CPEB3: variants seen among roughly 807,000 people sequenced by gnomAD.
CPEB3 encodes cytoplasmic polyadenylation element-binding protein 3.
In CPEB3, 20 loss-of-function variants were observed where a neutral mutation model predicts 67.2. That is an observed-to-expected ratio of 0.30 (90% CI 0.21 to 0.43). CPEB3 has a LOEUF of 0.43. Among genes scored for constraint, CPEB3 ranks in the 20% least tolerant of loss-of-function variants. The pLI is 1.00. For synonymous variants in CPEB3, 376 were observed against 393.1 expected (o/e 0.96, Z 0.51); for missense variants, 746 against 968.6 (o/e 0.77, Z 3.05).
chr10:92,265,740 C>T (rs190778420), intron 1 of CPEB3, among the ~76,000 whole-genome samples: 1 of 146,654 alleles, frequency 6.8e-6, no homozygotes, highest in East Asian at 2.0e-4. Context: ...AAGAGCAAAA[C>T]TCCATCTCAA....
At chr10:92,098,789 T>C (rs1242315403) in intron 7 of CPEB3, among the ~76,000 whole-genome samples, 2 of 147,182 alleles carry the variant, frequency 1.4e-5, no homozygotes, top group Non-Finnish European at 3.0e-5. Flanking sequence ...TTTTTTTTTT[T>C]GAGATGGAGT....
intron 6 of CPEB3, 40 bp from the exon 7 acceptor site, chr10:92,111,234 G>A: frequency 7.8e-7 from 1 of 1,282,044 alleles, no homozygotes; most frequent in Non-Finnish European, 1.1e-6. Flanking sequence ...GGAAGAATCA[G>A]TACATTAAAC....
At chr10:92,176,281 C>CATTA (rs1848217149) in intron 4 of CPEB3, among the ~76,000 whole-genome samples, 1 of 152,206 alleles carries the variant, frequency 6.6e-6, no homozygotes, top group Non-Finnish European at 1.5e-5. Context: ...CTCATATGAG[C>CATTA]ATTATCTACA....
chr10:92,251,420 A>G (rs1231505230), intron 1 of CPEB3, among the ~76,000 whole-genome samples: 1 of 151,130 alleles, frequency 6.6e-6, no homozygotes, highest in Non-Finnish European at 1.5e-5. Context: ...TTCTTTGCTA[A>G]CTGACTTTAA....
chr10:92,275,886 T>C (rs1386186991), intron 1 of CPEB3, among the ~76,000 whole-genome samples: 1 of 146,586 alleles, frequency 6.8e-6, no homozygotes, highest in Non-Finnish European at 1.5e-5. Context: ...TCTTGCTCTG[T>C]CACCCAGGCT....
At chr10:92,088,417 G>A (rs1038415875) in intron 8 of CPEB3, among the ~76,000 whole-genome samples, 3 of 151,812 alleles carry the variant, frequency 2.0e-5, no homozygotes, top group Non-Finnish European at 2.9e-5. Context: ...TGTAGAGACA[G>A]GGTTTCACCA....
Position 92,239,763 on chromosome 10 carries a change from G to A in CPEB3, c.588C>T (p.Pro196=). 6.9e-7 allele frequency: 1 copy of A among 1,439,892 alleles called. No individual in the cohort carries two copies. The highest frequency in any genetic ancestry group is 1.5e-5 in the South Asian group (1 of 67,040). The allele number at this position is 1,439,892 out of a possible 1,614,324, so 89.2% of individuals were successfully genotyped here. Residue 196 remains proline (P), a synonymous_variant, in exon 2 of 10, where the codon CCC becomes CCT. Coordinates refer to ENST00000265997, the MANE Select transcript of CPEB3 (RefSeq NM_014912.5). The surrounding 1 kb of genome is among the most constrained non-coding windows in gnomAD (Gnocchi z 6.0). ...TCCTCTGCGCGTAGGGCGCCTGGCT[G>A]GGGCTGGCGGGTGAGCGGCGCTGCT... is the stretch of plus-strand genomic sequence containing the variant. ...PPQQRRSPAS[P]SQAPYAQRSA...
At chr10:92,059,621 C>T (rs551523343) in intron 9 of CPEB3, among the ~76,000 whole-genome samples, 1 of 151,940 alleles carries the variant, frequency 6.6e-6, no homozygotes, top group African/African-American at 2.4e-5. Context: ...TAATAAAGAT[C>T]AGAGTAGAAA....
At chr10:92,276,709 T>C (rs986184392) in intron 1 of CPEB3, among the ~76,000 whole-genome samples, 3 of 152,236 alleles carry the variant, frequency 2.0e-5, no homozygotes, top group Non-Finnish European at 2.9e-5. Context: ...TAGCTGTAAA[T>C]AGAATTGCTG....
chr10:92,215,202 G>C (rs1391667476), intron 2 of CPEB3, among the ~76,000 whole-genome samples: 1 of 149,480 alleles, frequency 6.7e-6, no homozygotes, highest in African/African-American at 2.5e-5. Flanking sequence ...GCCCGGGCTA[G>C]AGTGCAGTAG....
chr10:92,227,355 C>A (rs1459403896), intron 2 of CPEB3, among the ~76,000 whole-genome samples: 1 of 152,188 alleles, frequency 6.6e-6, no homozygotes, highest in East Asian at 1.9e-4. Context: ...TTAGTAGTAT[C>A]TATTTAGAGG....
chr10:92,052,278 C>T lies in CPEB3; in HGVS notation c.2031G>A (p.Glu677=). 2 of 1,614,148 alleles carry T rather than the reference C, an allele frequency of 1.2e-6. No individual in the cohort carries two copies. The highest frequency in any genetic ancestry group is 1.7e-6 in the Non-Finnish European group (2 of 1,180,018). Residue 677 remains glutamate (E), a synonymous_variant, in exon 10 of 10, where the codon GAG becomes GAA. Coordinates refer to ENST00000265997, the MANE Select transcript of CPEB3 (RefSeq NM_014912.5). ...WASIHSRAGR[E]FHKPLVKEGG... is the part of the protein sequence containing the mutation. The stretch of plus-strand genomic sequence containing the variant: ...CCTCCTTCACCAGCGGTTTGTGGAA[C>T]TCCCGCCCGGCTCGGGAATGTATGC...
At chr10:92,078,267 G>A (rs1843009930) in intron 9 of CPEB3, among the ~76,000 whole-genome samples, 1 of 152,146 alleles carries the variant, frequency 6.6e-6, no homozygotes, top group Non-Finnish European at 1.5e-5. Flanking sequence ...ACTAACCAGT[G>A]TACCTTTTTG....
At chr10:92,144,500 A>C (rs1846587003) in intron 5 of CPEB3, among the ~76,000 whole-genome samples, 1 of 152,172 alleles carries the variant, frequency 6.6e-6, no homozygotes, top group African/African-American at 2.4e-5. Context: ...CCCTGGGCTC[A>C]AGTAATCCTC....
intron 1 of CPEB3, among the ~76,000 whole-genome samples, chr10:92,262,751 C>T (rs1852861086): frequency 6.6e-6 from 1 of 152,258 alleles, no homozygotes. Context: ...GTCTTTGTTT[C>T]CTCTGGAATA....
chr10:92,186,936 A>G (rs921698080), intron 3 of CPEB3, among the ~76,000 whole-genome samples: 11 of 152,334 alleles, frequency 7.2e-5, no homozygotes, highest in Admixed American at 5.2e-4. Flanking sequence ...CAAGATAAAC[A>G]GATATGGGCT....
At chr10:92,205,470 C>CTTTTT (rs34029695) in intron 2 of CPEB3, among the ~76,000 whole-genome samples, 84 of 90,996 alleles carry the variant, frequency 9.2e-4, no homozygotes, top group Non-Finnish European at 1.2e-3. Context: ...AAATTCAGTC[C>CTTTTT]TTTTTTTTTT....
intron 6 of CPEB3, among the ~76,000 whole-genome samples, chr10:92,136,374 A>C (rs1312025876): frequency 6.6e-6 from 1 of 152,208 alleles, no homozygotes; most frequent in African/African-American, 2.4e-5. Context: ...TGCACAGCAA[A>C]GGAAACAGTC....
At chr10:92,138,283 GA>G in intron 6 of CPEB3, 1 of 220,928 alleles carries the variant, frequency 4.5e-6, no homozygotes, top group East Asian at 1.1e-4. Flanking sequence ...CATGGTAACA[GA>G]AGAAGACAAG....
Sources: allele counts gnomAD v4.1 joint callset (sites outside exome capture counted in the v4.1 genomes callset), GRCh38; gene constraint gnomAD v4.1.1; non-coding constraint Gnocchi (gnomAD v3.1); transcripts MANE v1.5; gene names NCBI Gene and HGNC (gene_info 2026-07-23, HGNC 2026-07-21).